NUP188: variants seen among roughly 807,000 people sequenced by gnomAD.
NUP188 encodes nucleoporin 188.
Under a neutral mutation model 223.0 loss-of-function variants are expected in NUP188, and 97 were observed. The observed-to-expected ratio is 0.43, with a 90% CI of 0.37 to 0.51. The LOEUF (loss-of-function observed/expected upper bound fraction) is 0.51. Among genes scored for constraint, NUP188 ranks in the 20% least tolerant of loss-of-function variants. NUP188 has a pLI of 0.00. For missense variants in NUP188, 1,947 were observed against 2,175.6 expected, an observed-to-expected ratio of 0.89 and a Z score of 2.09; for synonymous variants, 869 against 828.0, an observed-to-expected ratio of 1.05 and a Z score of -0.85.
Position 128,988,182 on chromosome 9 carries a change from A to G in NUP188, c.2529A>G (p.Gln843=). Residue 843 remains glutamine, a synonymous_variant, in exon 24 of 44, where the codon CAA becomes CAG. Transcript: ENST00000372577. ...VVSPLEQALS[Q]HGAHGNNLIA... is the part of the protein sequence containing the mutation. ...CCCCCCTGGAACAGGCTCTCTCACAACATGGTATGTATTTCTCTTCCAGTC... is the reference window on the plus strand; with the variant it reads ...CCCCCCTGGAACAGGCTCTCTCACAGCATGGTATGTATTTCTCTTCCAGTC... 4 of 1,613,982 alleles carry G rather than the reference A, an allele frequency of 2.5e-6. No individual in the cohort carries two copies. The highest frequency in any genetic ancestry group is 3.4e-6 in the Non-Finnish European group (4 of 1,179,952).
At chr9:128,973,831 A>G (rs984014688) in intron 12 of NUP188, among the ~76,000 whole-genome samples, 1 of 152,260 alleles carries the variant, frequency 6.6e-6, no homozygotes, top group African/African-American at 2.4e-5. Flanking sequence ...ACGTATATAC[A>G]TGAAAATATA....
In NUP188 at chr9:128,982,792, G is replaced by A. The variant is rs1317388258; in HGVS notation, c.1669+91G>A. 3.2e-6 allele frequency: 5 copies of A among 1,585,878 alleles called. No homozygotes were observed. The African/African-American group carries it at 6.7e-5, about 21-fold the overall frequency. ...AAATAGAATATCTACATAAAATTTA[G>A]AACCATCAAGATTGTGATTTGTCTG... On this transcript the variant is annotated intron_variant, in intron 16 of 43. Coordinates refer to ENST00000372577, the MANE Select transcript of NUP188 (RefSeq NM_015354.3).
rs778746772 is a variant in NUP188 at position 128,988,126 on chromosome 9, A to G, written c.2473A>G (p.Ile825Val). The G allele has an allele frequency of 2.2e-5, 35 of 1,614,128 alleles. No individual in the cohort carries two copies. The highest frequency in any genetic ancestry group is 8.5e-7 in the Non-Finnish European group (1 of 1,180,036). The change falls in exon 24 of 44, where the codon ATT becomes GTT. Residue 825 changes from isoleucine (I) to valine (V), a missense_variant. Coordinates refer to ENST00000372577, the MANE Select transcript of NUP188 (RefSeq NM_015354.3). ...KLAFSVTNNVIRLKPPSNVVS... is the reference protein window; with the variant it reads ...KLAFSVTNNVVRLKPPSNVVS... Reference sequence around the variant, plus strand: ...GGCATTCTCCGTCACCAACAATGTTATTCGGCTGAAACCTCCTTCTAATGT... The same window carrying G: ...GGCATTCTCCGTCACCAACAATGTTGTTCGGCTGAAACCTCCTTCTAATGT...
chr9:128,968,242 C>G (rs1374438583), intron 8 of NUP188, among the ~76,000 whole-genome samples: 1 of 151,772 alleles, frequency 6.6e-6, no homozygotes, highest in African/African-American at 2.4e-5. Flanking sequence ...CAGACCCTGT[C>G]TCTTAAAAAA....
rs184322035 is a variant in NUP188, at chr9:128,957,185, A to C, written c.327+153A>C. 1.6e-3 allele frequency among the ~76,000 whole-genome samples: 243 copies of C among 152,286 alleles called. 1 individual carries two copies. Among genetic ancestry groups the C allele is most frequent in the Admixed American group, 3.3e-3 (50 of 15,288 alleles). On this transcript the variant is annotated intron_variant, in intron 5 of 43. Transcript: ENST00000372577. ...AAGACCTACTAAAGGCTTTAAAAAA[A>C]ACATGACCTGGGTGCAATGGCTTGT... is the stretch of plus-strand genomic sequence containing the variant.
At chr9:128,954,026 C>T (rs1841833946) in intron 3 of NUP188, among the ~76,000 whole-genome samples, 2 of 151,884 alleles carry the variant, frequency 1.3e-5, no homozygotes, top group African/African-American at 2.4e-5. Context: ...GATGGGGTTT[C>T]ACCATGTTGG....
chr9:128,974,386 G>GTTT lies in NUP188; in HGVS notation c.1203+1139_1203+1140insTTT, dbSNP rs1030115637. Among the ~76,000 whole-genome samples the GTTT allele has an allele frequency of 3.1e-5, 4 of 130,562 alleles. No homozygotes were observed. The South Asian group carries it at 7.3e-4, about 24-fold the overall frequency. 85.7% of individuals were successfully genotyped at this position (130,562 alleles called of 152,430 possible). A position where few individuals can be genotyped will look rare whatever the true frequency, so the allele number is the denominator to read the frequency against. ...GCTAGTAAGTCTTCTGCAGCAGGTT[G>GTTT]TTGTTTTTTTTTTTTTTTTTTTTGA... On this transcript the variant is annotated intron_variant, in intron 12 of 43. Coordinates refer to ENST00000372577, the MANE Select transcript of NUP188 (RefSeq NM_015354.3).
At chr9:128,985,342 C>T (rs1433821597) in intron 20 of NUP188, 7 of 195,400 alleles carry the variant, frequency 3.6e-5, no homozygotes, top group Non-Finnish European at 7.3e-5. Context: ...AGTATATATA[C>T]ATGTGTGTAT....
Position 129,005,469 on chromosome 9 carries a change from G to A in NUP188, c.4676G>A (p.Ser1559Asn), listed in dbSNP as rs1165690801. Reference sequence around the variant, plus strand: ...CAGTATGGCCTTCTCAAGATCCTCAGCAAGACGCTGGCAGCCCTGCGCCAC... The same window carrying A: ...CAGTATGGCCTTCTCAAGATCCTCAACAAGACGCTGGCAGCCCTGCGCCAC... The part of the protein sequence containing the change: ...TVQYGLLKIL[S>N]KTLAALRHFT... The change falls in exon 40 of 44, where the codon AGC (serine) becomes AAC (asparagine). Residue 1559 changes from serine to asparagine, a missense_variant. By Grantham distance (46) the Ser-to-Asn change is conservative. Coordinates refer to ENST00000372577, the MANE Select transcript of NUP188 (RefSeq NM_015354.3). The A allele has an allele frequency of 1.2e-6, 2 of 1,606,108 alleles. No individual in the cohort carries two copies. Among genetic ancestry groups the A allele is most frequent in the African/African-American group, 1.3e-5 (1 of 74,918 alleles).
chr9:128,951,469 A>T (rs1318347536), intron 2 of NUP188, among the ~76,000 whole-genome samples: 1 of 152,088 alleles, frequency 6.6e-6, no homozygotes, highest in South Asian at 2.1e-4. Context: ...ACAGAACAGG[A>T]CCCTGTCTCA....
chr9:128,970,924 G>A lies in NUP188; in HGVS notation c.1079G>A (p.Arg360Gln), dbSNP rs374939451. 2.2e-5 allele frequency: 36 copies of A among 1,614,004 alleles called. 1 individual carries two copies. In the Middle Eastern group the frequency reaches 9.9e-4, roughly 44 times the overall value. The change falls in exon 11 of 44, where the codon CGA becomes CAA. Residue 360 changes from arginine to glutamine, a missense_variant. Transcript: ENST00000372577. ...IQLNVFQYLT[R>Q]LLQSLASGGN... Reference sequence around the variant, plus strand: ...CTGAATGTGTTTCAGTACTTGACCCGATTGCTCCAGTCCCTTGCCAGTGGG... The same window carrying A: ...CTGAATGTGTTTCAGTACTTGACCCAATTGCTCCAGTCCCTTGCCAGTGGG...
At chr9:128,988,955 A>C (rs1285413007) in intron 24 of NUP188, among the ~76,000 whole-genome samples, 1 of 151,860 alleles carries the variant, frequency 6.6e-6, no homozygotes, top group Non-Finnish European at 1.5e-5. Context: ...AGCTTTCGCT[A>C]TGTTGGCCAG....
At chr9:128,954,324 C>G (rs1436514597) in intron 3 of NUP188, among the ~76,000 whole-genome samples, 1 of 149,362 alleles carries the variant, frequency 6.7e-6, no homozygotes. Flanking sequence ...ACGCCATTCT[C>G]CTGCCTCAGC....
rs551267470 is a variant in NUP188, at chr9:128,949,458, G to C, written c.87+215G>C. ...AGCGATTCTCCTGCCTCAGCTTCTC[G>C]AGTAGCTGGGATTACAGGCATGCAC... On this transcript the variant is annotated intron_variant, in intron 2 of 43. Coordinates refer to ENST00000372577, the MANE Select transcript of NUP188 (RefSeq NM_015354.3). Among the ~76,000 whole-genome samples the C allele has an allele frequency of 2.6e-5, 4 of 151,348 alleles. No individual in the cohort carries two copies. In the East Asian group the frequency reaches 5.9e-4, roughly 22 times the overall value.
chr9:128,991,096 GA>G (rs1285465835), intron 25 of NUP188, among the ~76,000 whole-genome samples: 6 of 151,352 alleles, frequency 4.0e-5, no homozygotes, highest in Non-Finnish European at 7.4e-5. Context: ...AGAAAGTTAA[GA>G]TGCCCTATGA....
At chr9:128,971,361 A>G (rs575571361) in intron 11 of NUP188, among the ~76,000 whole-genome samples, 1 of 152,140 alleles carries the variant, frequency 6.6e-6, no homozygotes, top group Admixed American at 6.6e-5. Context: ...TGAATTAGAA[A>G]TTCTCTTGAG....
intron 14 of NUP188, among the ~76,000 whole-genome samples, chr9:128,981,046 T>G (rs897711172): frequency 2.0e-5 from 3 of 152,152 alleles, no homozygotes; most frequent in African/African-American, 7.2e-5. Context: ...AAGACCATAC[T>G]GTTCAGGAGA....
intron 31 of NUP188, 53 bp from the exon 32 acceptor site, chr9:128,998,485 A>T (rs1174771423): frequency 1.4e-6 from 2 of 1,480,234 alleles, no homozygotes; most frequent in African/African-American, 2.8e-5. Context: ...TGCCCTGTGG[A>T]TGGCATGCGA....
rs1842567683 is a variant in NUP188 at position 128,998,329 on chromosome 9, G to A, written c.3429+101G>A. On this transcript the variant is annotated intron_variant, in intron 31 of 43. Transcript: ENST00000372577. ...TGCCAGCCAGCCGCACAAATAGTCA[G>A]GTCACAGGGCTCACGTTGGCCTGGG... 3 of 1,180,058 alleles carry A rather than the reference G, an allele frequency of 2.5e-6. No individual in the cohort carries two copies. The East Asian group carries it at 7.0e-5, about 28-fold the overall frequency. 73.1% of individuals were successfully genotyped at this position (1,180,058 alleles called of 1,614,324 possible). A position where few individuals can be genotyped will look rare whatever the true frequency, so the allele number is the denominator to read the frequency against.
Sources: allele counts gnomAD v4.1 joint callset (sites outside exome capture counted in the v4.1 genomes callset), GRCh38; gene constraint gnomAD v4.1.1; transcripts MANE v1.5; gene names NCBI Gene and HGNC (gene_info 2026-07-23, HGNC 2026-07-21).